Variants in RAE1 observed in about 807,000 individuals in gnomAD.
The protein encoded by RAE1 is mRNA export factor RAE1.
In RAE1, 13 loss-of-function variants were observed where a neutral mutation model predicts 52.7. The ratio of observed to expected loss-of-function variants is 0.25; its 90% CI spans 0.16 to 0.39. RAE1 has a LOEUF of 0.39. Among genes scored for constraint, RAE1 ranks in the 10% least tolerant of loss-of-function variants. RAE1 has a pLI of 1.00. For missense variants in RAE1, 262 were observed against 459.8 expected, an observed-to-expected ratio of 0.57 and a Z score of 3.93; for synonymous variants, 164 against 153.1, an observed-to-expected ratio of 1.07 and a Z score of -0.52.
rs1160007033 is a variant in RAE1, at chr20:57,351,938, C to A, written c.-8+516C>A. The A allele has an allele frequency of 4.1e-6, 4 of 985,366 alleles. No individual in the cohort carries two copies. The African/African-American group carries it at 7.0e-5, about 17-fold the overall frequency. 61.0% of individuals were successfully genotyped at this position (985,366 alleles called of 1,614,324 possible). On this transcript the variant is annotated intron_variant, in intron 1 of 11. Coordinates refer to ENST00000395841, the MANE Select transcript of RAE1 (RefSeq NM_003610.4). Reference sequence around the variant, plus strand: ...TCTCCAGGCAAGTAGTATTAAACACCAGCCGCCCTGGGCCAGGCATTGTAC... The same window carrying A: ...TCTCCAGGCAAGTAGTATTAAACACAAGCCGCCCTGGGCCAGGCATTGTAC...
At chr20:57,377,287 C>CT (rs769469816) in intron 11 of RAE1, among the ~76,000 whole-genome samples, 1 of 152,224 alleles carries the variant, frequency 6.6e-6, no homozygotes, top group Non-Finnish European at 1.5e-5. Context: ...CGGCTCCTGC[C>CT]TGCTGTCTTT....
chr20:57,361,272 T>A (rs2146145779), intron 4 of RAE1, among the ~76,000 whole-genome samples: 1 of 152,310 alleles, frequency 6.6e-6, no homozygotes, highest in Middle Eastern at 3.4e-3. Flanking sequence ...CAAGGTATCA[T>A]ATCAGTATTA....
chr20:57,355,847 G>T (rs1475606599), intron 3 of RAE1, among the ~76,000 whole-genome samples: 2 of 152,188 alleles, frequency 1.3e-5, no homozygotes, highest in Non-Finnish European at 1.5e-5. Context: ...AAAGATTTCA[G>T]ATTATTTGCT....
chr20:57,358,183 G>A (rs1036512455), intron 4 of RAE1: 2 of 152,188 alleles, frequency 1.3e-5, no homozygotes, highest in African/African-American at 2.4e-5. Flanking sequence ...GATGTTAAGG[G>A]CCGCGAGGGT....
At position 57,377,996 on chromosome 20, in the gene RAE1, T is replaced by C; in HGVS notation, c.1021-17T>C. 1 of 1,559,752 alleles carries C rather than the reference T, an allele frequency of 6.4e-7. No individual in the cohort carries two copies. Among genetic ancestry groups the C allele is most frequent in the Non-Finnish European group, 8.8e-7 (1 of 1,140,086 alleles). On this transcript the variant is annotated splice_polypyrimidine_tract_variant and intron_variant, in intron 11 of 11. Transcript: ENST00000395841. ...CTTTTGAATAATAAGATCATTGGTG[T>C]TTTTTGCTCTCTTTAGGGACATGAA...
chr20:57,359,831 T>C (rs1568782619), intron 4 of RAE1: 1 of 152,258 alleles, frequency 6.6e-6, no homozygotes. Flanking sequence ...TGCTTTTTAG[T>C]CCTCAATACA....
At chr20:57,351,738 G>A (rs2066712751) in intron 1 of RAE1, 1 of 985,370 alleles carries the variant, frequency 1.0e-6, no homozygotes, top group African/African-American at 1.7e-5. Flanking sequence ...TCAGCTCCTG[G>A]GAGAAGCTTT....
intron 4 of RAE1, among the ~76,000 whole-genome samples, chr20:57,360,802 A>G (rs1281166653): frequency 6.6e-6 from 1 of 152,168 alleles, no homozygotes; most frequent in Non-Finnish European, 1.5e-5. Context: ...TCTGTTTATT[A>G]CTAGATTTAA....
chr20:57,358,786 G>A (rs1357578243), intron 4 of RAE1: 100 of 411,486 alleles, frequency 2.4e-4, no homozygotes, highest in Non-Finnish European at 9.0e-5. Flanking sequence ...TTGGGTCGAT[G>A]TGTAATAACT....
intron 8 of RAE1, chr20:57,373,102 G>A (rs1027315267): frequency 1.2e-5 from 3 of 245,556 alleles, no homozygotes; most frequent in South Asian, 5.0e-5. Flanking sequence ...AGGCAGAAGC[G>A]CAGAAGCTTC....
chr20:57,376,050 C>T (rs914346836), intron 11 of RAE1, among the ~76,000 whole-genome samples: 2 of 152,222 alleles, frequency 1.3e-5, no homozygotes, highest in African/African-American at 2.4e-5. Flanking sequence ...TCCCTTGGTT[C>T]GGGCCCTGCC....
rs61758789 is a variant in RAE1, at chr20:57,374,705, A to G, written c.924A>G (p.Leu308=). Residue 308 remains leucine, a synonymous_variant, in exon 11 of 12, where the codon CTA becomes CTG. Coordinates refer to ENST00000395841, the MANE Select transcript of RAE1 (RefSeq NM_003610.4). Reference sequence around the variant, plus strand: ...GGGACAAAGATGCCAGAACAAAACTAAAAACTTCGGAACAGTTAGATCAGC... The same window carrying G: ...GGGACAAAGATGCCAGAACAAAACTGAAAACTTCGGAACAGTTAGATCAGC... ...SFWDKDARTK[L]KTSEQLDQPI... 5.7e-5 allele frequency: 92 copies of G among 1,614,216 alleles called. 1 individual carries two copies. Among genetic ancestry groups the G allele is most frequent in the African/African-American group, 3.1e-4 (23 of 75,052 alleles).
intron 10 of RAE1, 30 bp downstream of exon 10, chr20:57,373,768 A>G: frequency 1.9e-6 from 3 of 1,595,158 alleles, no homozygotes; most frequent in Non-Finnish European, 2.6e-6. Flanking sequence ...AACCGTGGTA[A>G]TACATCTGGA....
chr20:57,361,710 T>TA (rs2066894616), intron 4 of RAE1, among the ~76,000 whole-genome samples: 1 of 152,170 alleles, frequency 6.6e-6, no homozygotes, highest in South Asian at 2.1e-4. Flanking sequence ...ATCCCAAAGT[T>TA]AAAAAATACC....
chr20:57,359,052 C>G (rs1175373087), intron 4 of RAE1: 1 of 1,496,514 alleles, frequency 6.7e-7, no homozygotes, highest in East Asian at 2.5e-5. Flanking sequence ...ATTCAAGTCC[C>G]TATTTAGAGA....
chr20:57,351,635 A>G (rs2066710578), intron 1 of RAE1: 3 of 985,462 alleles, frequency 3.0e-6, no homozygotes, highest in Non-Finnish European at 3.6e-6. Context: ...TTGTGGGGGA[A>G]CTGAGCCTCT....
At chr20:57,353,516 G>A (rs76622679) in intron 1 of RAE1, among the ~76,000 whole-genome samples, 6,061 of 152,258 alleles carry the variant, frequency 0.04, 180 homozygotes, top group African/African-American at 0.089. Context: ...TTGCTGATTC[G>A]CTTCCCGGAC....
rs2066961438 is a variant in RAE1 at position 57,366,846 on chromosome 20, C to T, written c.415C>T (p.Pro139Ser). The T allele has an allele frequency of 6.2e-7, 1 of 1,613,896 alleles. No individual in the cohort carries two copies. The highest frequency in any genetic ancestry group is 8.5e-7 in the Non-Finnish European group (1 of 1,179,790). The change falls in exon 6 of 12, where the codon CCA (proline) becomes TCA (serine). Residue 139 changes from proline to serine, a missense_variant. Transcript: ENST00000395841. ...PVKTIHWIKA[P>S]NYSCVMTGSW... ...TAAAACCATCCATTGGATCAAAGCT[C>T]CAAACTACAGCTGTGTGATGACTGG...
intron 7 of RAE1, among the ~76,000 whole-genome samples, chr20:57,368,381 A>G (rs896314131): frequency 6.6e-6 from 1 of 152,258 alleles, no homozygotes; most frequent in African/African-American, 2.4e-5. Context: ...AATATGCTAC[A>G]TACCAAGTAT....
Sources: allele counts gnomAD v4.1 joint callset (sites outside exome capture counted in the v4.1 genomes callset), GRCh38; gene constraint gnomAD v4.1.1; transcripts MANE v1.5; gene names NCBI Gene and HGNC (gene_info 2026-07-23, HGNC 2026-07-21).